The following CCDC60 variants were observed in gnomAD, a reference collection of about 807,000 sequenced individuals.
The protein encoded by CCDC60 is coiled-coil domain containing 60.
CCDC60 carries 54 observed loss-of-function variants against 63.5 expected under a neutral mutation model. The observed-to-expected ratio is 0.85, with a 90% confidence interval of 0.68 to 1.07. The LOEUF (loss-of-function observed/expected upper bound fraction) is 1.07, where lower values mean the gene tolerates loss of function less well. Among genes scored for constraint, CCDC60 ranks in the 50% least tolerant of loss-of-function variants. The pLI is 0.00. For synonymous variants in CCDC60, 206 were observed against 238.8 expected, an observed-to-expected ratio of 0.86 and a Z score of 1.27; for missense variants, 651 against 684.3, an observed-to-expected ratio of 0.95 and a Z score of 0.54.
chr12:119,361,209 G>GGGAGAA, intron 1 of CCDC60, among the ~76,000 whole-genome samples: 1 of 150,888 alleles, frequency 6.6e-6, no homozygotes, highest in East Asian at 2.0e-4. Context: ...GAGAGGGAGA[G>GGGAGAA]GGAGAGGGAG....
chr12:119,494,122 A>G (rs372947032), intron 5 of CCDC60, among the ~76,000 whole-genome samples: 2 of 152,162 alleles, frequency 1.3e-5, no homozygotes, highest in Non-Finnish European at 2.9e-5. Flanking sequence ...ACCTGTATTG[A>G]TTTTATTCTT....
At chr12:119,428,830 C>G in intron 2 of CCDC60, 68 bp downstream of exon 2, 1 of 1,002,006 alleles carries the variant, frequency 1.0e-6, no homozygotes, top group East Asian at 2.5e-5. Context: ...TGGGGTGTTG[C>G]CTACAAGTCC....
intron 2 of CCDC60, among the ~76,000 whole-genome samples, chr12:119,443,820 A>G (rs1388541349): frequency 6.6e-6 from 1 of 152,170 alleles, no homozygotes; most frequent in Non-Finnish European, 1.5e-5. Flanking sequence ...TTGAGTATGG[A>G]TGAGTTACCT....
chr12:119,431,520 G>A (rs894632984), intron 2 of CCDC60, among the ~76,000 whole-genome samples: 10 of 152,184 alleles, frequency 6.6e-5, no homozygotes, highest in African/African-American at 2.2e-4. Context: ...GAATCTTGCA[G>A]TCTCCAGCTG....
At chr12:119,423,815 G>A (rs1956856114) in intron 1 of CCDC60, among the ~76,000 whole-genome samples, 1 of 152,088 alleles carries the variant, frequency 6.6e-6, no homozygotes. Context: ...CCTGTCATGA[G>A]TTCTGATTTC....
At chr12:119,539,326 A>T (rs889519128) in intron 13 of CCDC60, among the ~76,000 whole-genome samples, 1 of 152,186 alleles carries the variant, frequency 6.6e-6, no homozygotes, top group African/African-American at 2.4e-5. Context: ...TCCCAGGGAG[A>T]TGGGAGTTTT....
At chr12:119,508,142 G>A (rs1021531371) in intron 7 of CCDC60, among the ~76,000 whole-genome samples, 2 of 152,040 alleles carry the variant, frequency 1.3e-5, no homozygotes, top group Non-Finnish European at 2.9e-5. Flanking sequence ...CTGCACTCCA[G>A]CCTGGGCAAC....
At chr12:119,487,962 C>T (rs928444113) in intron 4 of CCDC60, among the ~76,000 whole-genome samples, 1 of 152,148 alleles carries the variant, frequency 6.6e-6, no homozygotes, top group Non-Finnish European at 1.5e-5. Context: ...TTACCCCAGC[C>T]TCCCAAGTAG....
At chr12:119,527,265 G>T (rs1309364720) in intron 11 of CCDC60, among the ~76,000 whole-genome samples, 1 of 152,068 alleles carries the variant, frequency 6.6e-6, no homozygotes, top group Non-Finnish European at 1.5e-5. Context: ...TCTACCTTGA[G>T]GGGGGATGGT....
intron 1 of CCDC60, among the ~76,000 whole-genome samples, chr12:119,413,297 G>C (rs1956639190): frequency 6.6e-6 from 1 of 152,188 alleles, no homozygotes; most frequent in Non-Finnish European, 1.5e-5. Flanking sequence ...TCAAGTGAGA[G>C]AAGAGGGAGG....
chr12:119,533,905 CT>C (rs1485487885), intron 13 of CCDC60, among the ~76,000 whole-genome samples: 2 of 152,106 alleles, frequency 1.3e-5, no homozygotes, highest in Non-Finnish European at 2.9e-5. Context: ...AATACGGGCT[CT>C]TTTTTGGTTC....
chr12:119,336,552 T>G (rs1955473960), intron 1 of CCDC60, among the ~76,000 whole-genome samples: 1 of 152,202 alleles, frequency 6.6e-6, no homozygotes, highest in African/African-American at 2.4e-5. Context: ...ATCCCCTCTC[T>G]CTATGGAGAG....
At chr12:119,405,862 T>G (rs1593040287) in intron 1 of CCDC60, among the ~76,000 whole-genome samples, 1 of 152,172 alleles carries the variant, frequency 6.6e-6, no homozygotes, top group African/African-American at 2.4e-5. Context: ...CCCTAGTGGT[T>G]AATTCTGTAA....
intron 7 of CCDC60, among the ~76,000 whole-genome samples, chr12:119,516,162 G>A (rs954747625): frequency 7.2e-5 from 11 of 152,190 alleles, no homozygotes; most frequent in Non-Finnish European, 1.5e-4. Context: ...CTGGAGTGCA[G>A]TGGCATGATC....
intron 1 of CCDC60, among the ~76,000 whole-genome samples, chr12:119,378,038 G>A (rs1231012056): frequency 6.6e-6 from 1 of 152,234 alleles, no homozygotes; most frequent in Non-Finnish European, 1.5e-5. Flanking sequence ...TGAAATGCAC[G>A]GGGTTTTATA....
intron 2 of CCDC60, among the ~76,000 whole-genome samples, chr12:119,431,582 C>G (rs145758604): frequency 9.5e-4 from 144 of 152,340 alleles, no homozygotes; most frequent in Middle Eastern, 3.4e-3. Flanking sequence ...TTTAGTCCTA[C>G]AAAGACAATC....
At chr12:119,446,093 AAT>A (rs1282832607) in intron 2 of CCDC60, among the ~76,000 whole-genome samples, 5 of 152,222 alleles carry the variant, frequency 3.3e-5, no homozygotes, top group Admixed American at 3.3e-4. Flanking sequence ...ATAATAAATA[AAT>A]AGTGTTTCCT....
rs1956119887 is a variant in CCDC60, at chr12:119,389,553, G to A, written c.91-39130G>A. The stretch of plus-strand genomic sequence containing the variant: ...CTCATTAACATACCTTCCTCTCCTT[G>A]TCCCACTCTCCTATGGGGGTTTCCC... On this transcript the variant is annotated intron_variant, in intron 1 of 13. Coordinates refer to ENST00000327554, the MANE Select transcript of CCDC60 (RefSeq NM_178499.5). 2.0e-5 allele frequency among the ~76,000 whole-genome samples: 3 copies of A among 151,882 alleles called. No individual in the cohort carries two copies. In the South Asian group the frequency reaches 6.2e-4, roughly 32 times the overall value.
intron 2 of CCDC60, among the ~76,000 whole-genome samples, chr12:119,467,778 T>G (rs929633788): frequency 1.3e-5 from 2 of 152,254 alleles, no homozygotes; most frequent in Non-Finnish European, 2.9e-5. Flanking sequence ...TTTCTGCATT[T>G]GCTTTGTTTG....
Sources: allele counts gnomAD v4.1 joint callset (sites outside exome capture counted in the v4.1 genomes callset), GRCh38; gene constraint gnomAD v4.1.1; transcripts MANE v1.5; gene names NCBI Gene and HGNC (gene_info 2026-07-23, HGNC 2026-07-21).